MRPL42: variants seen among roughly 807,000 people sequenced by gnomAD.
The protein encoded by MRPL42 is mitochondrial ribosomal protein L42.
In MRPL42, 17 loss-of-function variants were observed where a neutral mutation model predicts 17.9. That is an observed-to-expected ratio of 0.95 (90% CI 0.65 to 1.42). The LOEUF is 1.42. MRPL42 is among the 40% of genes most tolerant of loss of function. The probability of loss-of-function intolerance (pLI) is 0.00; values close to 1 mark genes in which losing one functional copy is unlikely to be tolerated. For missense variants in MRPL42, 177 were observed against 175.2 expected, an observed-to-expected ratio of 1.01 and a Z score of -0.06; for synonymous variants, 59 against 54.4, an observed-to-expected ratio of 1.08 and a Z score of -0.37.
Position 93,477,955 on chromosome 12 carries a change from A to G in MRPL42, c.134+938A>G, listed in dbSNP as rs151142954. 4.9e-3 allele frequency among the ~76,000 whole-genome samples: 750 copies of G among 151,868 alleles called. 8 individuals carry two copies. The highest frequency in any genetic ancestry group is 0.016 in the African/African-American group (675 of 41,392). On this transcript the variant is annotated intron_variant, in intron 3 of 5. Coordinates refer to ENST00000549982, the MANE Select transcript of MRPL42 (RefSeq NM_014050.4). ...TGGAATTACAGGCATGAGGCACTGCACCTGACCTTTTATTTTTGTGAGACA... is the reference window on the plus strand; with the variant it reads ...TGGAATTACAGGCATGAGGCACTGCGCCTGACCTTTTATTTTTGTGAGACA...
intron 4 of MRPL42, among the ~76,000 whole-genome samples, chr12:93,481,384 C>A (rs1455597933): frequency 6.6e-6 from 1 of 152,202 alleles, no homozygotes; most frequent in Non-Finnish European, 1.5e-5. Flanking sequence ...GGGAAGGTAT[C>A]TCTGTAGCTC....
rs1953697485 is a variant in MRPL42 at position 93,508,862 on chromosome 12, T to G, written c.*7641T>G. Reference sequence around the variant, plus strand: ...GTTTAAACCATATATATTTTAACACTGTCTCTTTTTCACACACACTAGTTA... The same window carrying G: ...GTTTAAACCATATATATTTTAACACGGTCTCTTTTTCACACACACTAGTTA... On this transcript the variant is annotated 3_prime_UTR_variant, in exon 6 of 6. Transcript: ENST00000549982. 6.6e-6 allele frequency: 1 copy of G among 152,156 alleles called. No homozygotes were observed. Among genetic ancestry groups the G allele is most frequent in the Admixed American group, 6.6e-5 (1 of 15,252 alleles). The allele number at this position is 152,156 out of a possible 1,614,324, so 9.4% of individuals were successfully genotyped here.
At chr12:93,490,763 T>C (rs953338900) in intron 5 of MRPL42, among the ~76,000 whole-genome samples, 4 of 152,356 alleles carry the variant, frequency 2.6e-5, no homozygotes, top group African/African-American at 7.2e-5. Context: ...ATTTACTAAA[T>C]ATTTCACAGT....
At chr12:93,495,259 A>G (rs1953476492) in intron 5 of MRPL42, among the ~76,000 whole-genome samples, 1 of 152,226 alleles carries the variant, frequency 6.6e-6, no homozygotes, top group South Asian at 2.1e-4. Flanking sequence ...TGCTCAAATG[A>G]TGTGTTCTAG....
chr12:93,487,111 A>G (rs1449011642), intron 4 of MRPL42, among the ~76,000 whole-genome samples: 1 of 152,126 alleles, frequency 6.6e-6, no homozygotes, highest in Non-Finnish European at 1.5e-5. Context: ...CTGCAGGTGC[A>G]TGCCATCACA....
Position 93,503,708 on chromosome 12 carries a change from T to C in MRPL42, c.*2487T>C, listed in dbSNP as rs1592791660. ...CTTATTTTTTTTTTTTAAGATAATA[T>C]TGTTAACATTTTGTATTTCTCTGCA... On this transcript the variant is annotated 3_prime_UTR_variant, in exon 6 of 6. Coordinates refer to ENST00000549982, the MANE Select transcript of MRPL42 (RefSeq NM_014050.4). The C allele has an allele frequency of 1.3e-5, 2 of 152,000 alleles. No homozygotes were observed. Among genetic ancestry groups the C allele is most frequent in the African/African-American group, 2.4e-5 (1 of 41,388 alleles). The allele number at this position is 152,000 out of a possible 1,614,324, so 9.4% of individuals were successfully genotyped here.
chr12:93,487,963 AT>A (rs1953338380), intron 5 of MRPL42: 1 of 227,298 alleles, frequency 4.4e-6, no homozygotes, highest in Non-Finnish European at 7.9e-6. Context: ...CACCTGGCTA[AT>A]TTTGTTCTTT....
rs1953666635 is a variant in MRPL42, at chr12:93,506,155, TG to T, written c.*4935del. ...GTTGGCCAGGCTGGTCTTGAACTCC[TG>T]ACCTCAGGTGATCTGCCCACCTTGG... On this transcript the variant is annotated 3_prime_UTR_variant, in exon 6 of 6. Transcript: ENST00000549982. 6.6e-6 allele frequency: 1 copy of T among 152,154 alleles called. No individual in the cohort carries two copies. Among genetic ancestry groups the T allele is most frequent in the Non-Finnish European group, 1.5e-5 (1 of 68,182 alleles). 9.4% of individuals were successfully genotyped at this position (152,154 alleles called of 1,614,324 possible). A position where few individuals can be genotyped will look rare whatever the true frequency, so the allele number is the denominator to read the frequency against.
intron 1 of MRPL42, among the ~76,000 whole-genome samples, chr12:93,468,677 C>A (rs1302016406): frequency 6.6e-6 from 1 of 152,036 alleles, no homozygotes; most frequent in Admixed American, 6.6e-5. Context: ...TTTATGAGTT[C>A]CTCCAATTGA....
chr12:93,468,571 A>G (rs1191951790), intron 1 of MRPL42, among the ~76,000 whole-genome samples: 1 of 152,248 alleles, frequency 6.6e-6, no homozygotes, highest in Non-Finnish European at 1.5e-5. Flanking sequence ...CATGATTAAT[A>G]CGAGAGCAAA....
chr12:93,499,686 A>G (rs2121275361), intron 5 of MRPL42, among the ~76,000 whole-genome samples: 1 of 152,236 alleles, frequency 6.6e-6, no homozygotes, highest in East Asian at 1.9e-4. Context: ...TACTGTGTGT[A>G]TTTTTTGACA....
chr12:93,497,074 A>C (rs1049220797), intron 5 of MRPL42, among the ~76,000 whole-genome samples: 2 of 152,186 alleles, frequency 1.3e-5, no homozygotes, highest in African/African-American at 4.8e-5. Flanking sequence ...CTGAATCAGT[A>C]ATAAAAAAAC....
At chr12:93,481,820 A>T (rs1880479949) in intron 4 of MRPL42, among the ~76,000 whole-genome samples, 1 of 152,118 alleles carries the variant, frequency 6.6e-6, no homozygotes, top group African/African-American at 2.4e-5. Context: ...AGAATTATTC[A>T]TTCCCTCTTT....
intron 2 of MRPL42, chr12:93,470,460 C>T (rs1355120642): frequency 7.8e-7 from 1 of 1,275,726 alleles, no homozygotes; most frequent in Non-Finnish European, 1.0e-6. Flanking sequence ...TGTGAGCCAA[C>T]TTTTTATTTT....
At chr12:93,490,071 A>G (rs376405035) in intron 5 of MRPL42, among the ~76,000 whole-genome samples, 3 of 152,168 alleles carry the variant, frequency 2.0e-5, no homozygotes, top group Admixed American at 6.5e-5. Flanking sequence ...CCTTGTTTCA[A>G]CTTCTTCTGT....
At chr12:93,481,735 C>G (rs1292990852) in intron 4 of MRPL42, among the ~76,000 whole-genome samples, 1 of 152,128 alleles carries the variant, frequency 6.6e-6, no homozygotes, top group Admixed American at 6.6e-5. Context: ...CCAGTAATTG[C>G]TACTCCTCCT....
At chr12:93,472,619 A>G (rs1879965650) in intron 2 of MRPL42, among the ~76,000 whole-genome samples, 1 of 152,170 alleles carries the variant, frequency 6.6e-6, no homozygotes, top group South Asian at 2.1e-4. Flanking sequence ...CATTACTGTT[A>G]TTATTGATGT....
intron 5 of MRPL42, among the ~76,000 whole-genome samples, chr12:93,496,800 A>AT (rs1167975094): frequency 2.4e-5 from 1 of 40,838 alleles, no homozygotes; most frequent in Non-Finnish European, 4.8e-5. Context: ...CTCAGAGACT[A>AT]TTTTTTTTGG....
In MRPL42 at chr12:93,479,454, T is replaced by A. The variant is rs1880350933; in HGVS notation, c.201T>A (p.Ile67=). Residue 67 remains isoleucine (I), a synonymous_variant, in exon 4 of 6, where the codon ATT becomes ATA. Transcript: ENST00000549982. The part of the protein sequence containing the change: ...TIVCYHPSVD[I]PYEHTKPIPR... ...TATGCTACCACCCTTCTGTGGACAT[T>A]CCATATGAACACACAAAAGTATGTA... 1 of 1,608,844 alleles carries A rather than the reference T, an allele frequency of 6.2e-7. No individual in the cohort carries two copies. The highest frequency in any genetic ancestry group is 8.5e-7 in the Non-Finnish European group (1 of 1,176,848).
Sources: gnomAD v4.1 joint callset for allele counts (sites outside exome capture counted in the v4.1 genomes callset) on GRCh38, gnomAD v4.1.1 for gene constraint, MANE v1.5 for transcripts, NCBI Gene and HGNC (gene_info 2026-07-23, HGNC 2026-07-21) for gene names.